Variants in SLC6A6 observed in about 807,000 individuals in gnomAD.
The protein encoded by SLC6A6 is sodium- and chloride-dependent taurine transporter.
A neutral mutation model predicts 68.8 loss-of-function variants in SLC6A6; 16 were observed. That is an observed-to-expected ratio of 0.23 (90% CI 0.16 to 0.35). The LOEUF (loss-of-function observed/expected upper bound fraction) is 0.35, where lower values mean the gene tolerates loss of function less well. Among genes scored for constraint, SLC6A6 ranks in the 10% least tolerant of loss-of-function variants. The probability of loss-of-function intolerance (pLI) is 1.00; values close to 1 mark genes in which losing one functional copy is unlikely to be tolerated. For synonymous variants in SLC6A6, 312 were observed against 315.4 expected (o/e 0.99, Z 0.12); for missense variants, 474 against 802.8 (o/e 0.59, Z 4.95).
intron 2 of SLC6A6, among the ~76,000 whole-genome samples, chr3:14,433,087 CT>C (rs1699765950): frequency 1.1e-4 from 1 of 8,796 alleles, no homozygotes; most frequent in Non-Finnish European, 2.3e-4. Flanking sequence ...GTCGTTAGTG[CT>C]GTGAAGGTGG....
chr3:14,444,056 C>T, intron 3 of SLC6A6, 193 bp downstream of exon 3: 1 of 580,686 alleles, frequency 1.7e-6, no homozygotes, highest in Non-Finnish European at 3.1e-6. Context: ...GACTGAGAAT[C>T]AGAGTACTGT....
intron 2 of SLC6A6, among the ~76,000 whole-genome samples, chr3:14,419,069 G>C (rs1007566443): frequency 6.6e-6 from 1 of 152,246 alleles, no homozygotes; most frequent in African/African-American, 2.4e-5. Flanking sequence ...GCCCTGCCTG[G>C]GATGGGCTGT....
rs993294535 is a variant in SLC6A6 at position 14,487,776 on chromosome 3, A to G, written c.*2769A>G. 2 of 152,122 alleles carry G rather than the reference A, an allele frequency of 1.3e-5. No homozygotes were observed. The highest frequency in any genetic ancestry group is 6.5e-5 in the Admixed American group (1 of 15,274). 9.4% of individuals were successfully genotyped at this position (152,122 alleles called of 1,614,324 possible). A position where few individuals can be genotyped will look rare whatever the true frequency, so the allele number is the denominator to read the frequency against. On this transcript the variant is annotated 3_prime_UTR_variant, in exon 15 of 15. Transcript: ENST00000622186. ...GGGAGGCACTGTGAGCCAGGAATGG[A>G]TTTTCTTGAAACAGCTCTAGCTGCA... is the stretch of plus-strand genomic sequence containing the variant.
At chr3:14,478,206 A>T (rs1311828820) in intron 11 of SLC6A6, among the ~76,000 whole-genome samples, 1 of 152,218 alleles carries the variant, frequency 6.6e-6, no homozygotes, top group Admixed American at 6.5e-5. Context: ...TGTCAGCTGC[A>T]CTTGGTGTGA....
Position 14,481,116 on chromosome 3 carries a change from C to T in SLC6A6, c.1552-555C>T, listed in dbSNP as rs1700996854. 1.3e-5 allele frequency among the ~76,000 whole-genome samples: 2 copies of T among 152,216 alleles called. No individual in the cohort carries two copies. Among genetic ancestry groups the T allele is most frequent in the African/African-American group, 4.8e-5 (2 of 41,442 alleles). On this transcript the variant is annotated intron_variant, in intron 13 of 14. Transcript: ENST00000622186. This position sits in a 1 kb window ranked among gnomAD's most constrained non-coding sequence, Gnocchi z 4.7. ...GAACTAGGACAAGACACACACATTC[C>T]TACTCTCAGACTCACAGTCTGGCAG...
rs1198341204 is a variant in SLC6A6, at chr3:14,405,084, T to A, written c.-54+2237T>A. On this transcript the variant is annotated intron_variant, in intron 1 of 14. Transcript: ENST00000622186. ...AGGTTTTCCCTAGCTCAGCTGTGAG[T>A]TTTGGCCCCATGGGGCTTTGGTCAC... 1.3e-5 allele frequency among the ~76,000 whole-genome samples: 2 copies of A among 152,116 alleles called. 1 individual carries two copies. Among genetic ancestry groups the A allele is most frequent in the Non-Finnish European group, 2.9e-5 (2 of 68,016 alleles).
At chr3:14,440,196 G>A (rs927156996) in intron 2 of SLC6A6, among the ~76,000 whole-genome samples, 3 of 152,070 alleles carry the variant, frequency 2.0e-5, no homozygotes, top group African/African-American at 7.2e-5. Flanking sequence ...TTACAGATGA[G>A]GACACTGAAG....
intron 6 of SLC6A6, among the ~76,000 whole-genome samples, chr3:14,464,379 T>C (rs1700566948): frequency 6.6e-6 from 1 of 152,162 alleles, no homozygotes; most frequent in Admixed American, 6.5e-5. Context: ...GCCTCAGTTT[T>C]ATTGTTGCAA....
rs1294778524 is a variant in SLC6A6 at position 14,468,351 on chromosome 3, C to A, written c.1096+139C>A. 2.7e-6 allele frequency: 2 copies of A among 728,224 alleles called. No individual in the cohort carries two copies. Among genetic ancestry groups the A allele is most frequent in the Non-Finnish European group, 4.3e-6 (2 of 463,518 alleles). The allele number at this position is 728,224 out of a possible 1,614,324, so 45.1% of individuals were successfully genotyped here. ...CTAAAATGGACCCCCCCCCCGCCAC[C>A]AAGATATCCCCCAAATTTCAAAGAG... On this transcript the variant is annotated intron_variant, in intron 9 of 14. Transcript: ENST00000622186. The surrounding 1 kb of genome is among the most constrained non-coding windows in gnomAD (Gnocchi z 4.5).
At position 14,415,931 on chromosome 3, in the gene SLC6A6, G is replaced by A. The variant is rs557111569; in HGVS notation, c.-53-481G>A. 5.3e-5 allele frequency among the ~76,000 whole-genome samples: 8 copies of A among 152,324 alleles called. No individual in the cohort carries two copies. The East Asian group carries it at 5.8e-4, about 11-fold the overall frequency. On this transcript the variant is annotated intron_variant, in intron 1 of 14. Coordinates refer to ENST00000622186, the MANE Select transcript of SLC6A6 (RefSeq NM_003043.6). ...GGCTATGTGACTGAGCTGGTGGGGC[G>A]CTCAGGAGTGTGGGCTTTCTGTGGC...
At chr3:14,444,731 T>C (rs571266962) in intron 3 of SLC6A6, 100 of 456,584 alleles carry the variant, frequency 2.2e-4, no homozygotes, top group Non-Finnish European at 4.0e-4. Context: ...TTCTTAACCT[T>C]TTGTAGGTCT....
chr3:14,441,568 C>T (rs990232446), intron 2 of SLC6A6, among the ~76,000 whole-genome samples: 1 of 152,138 alleles, frequency 6.6e-6, no homozygotes, highest in East Asian at 1.9e-4. Flanking sequence ...AATTGGGGTC[C>T]CCCACCCCGA....
chr3:14,470,885 T>G (rs1700735812), intron 9 of SLC6A6, among the ~76,000 whole-genome samples: 1 of 152,224 alleles, frequency 6.6e-6, no homozygotes, highest in Non-Finnish European at 1.5e-5. Flanking sequence ...GTCTCCAGCA[T>G]CTCAGCGAGC....
intron 6 of SLC6A6, among the ~76,000 whole-genome samples, chr3:14,464,066 G>A (rs1018178244): frequency 2.6e-5 from 4 of 152,156 alleles, no homozygotes; most frequent in African/African-American, 4.8e-5. Context: ...TCTACCCCTC[G>A]ACCTAGAGTG....
intron 6 of SLC6A6, among the ~76,000 whole-genome samples, chr3:14,458,653 T>C (rs182008791): frequency 2.0e-5 from 3 of 152,348 alleles, no homozygotes; most frequent in East Asian, 1.9e-4. Context: ...AAGAGCACTT[T>C]ATGGGTTGAG....
intron 2 of SLC6A6, among the ~76,000 whole-genome samples, chr3:14,421,980 G>A (rs772816503): frequency 4.6e-5 from 7 of 152,268 alleles, no homozygotes; most frequent in Middle Eastern, 3.4e-3. Flanking sequence ...AGCAGGGGTC[G>A]GAGGGGGATT....
intron 5 of SLC6A6, among the ~76,000 whole-genome samples, chr3:14,452,483 G>A (rs1674788051): frequency 6.6e-6 from 1 of 152,166 alleles, no homozygotes; most frequent in Non-Finnish European, 1.5e-5. Flanking sequence ...ACTGCATCCT[G>A]CCTCCAGCTA....
At chr3:14,425,139 G>A (rs1031109803) in intron 2 of SLC6A6, among the ~76,000 whole-genome samples, 1 of 152,170 alleles carries the variant, frequency 6.6e-6, no homozygotes, top group Non-Finnish European at 1.5e-5. Flanking sequence ...AAATCCAATT[G>A]TGTATTCGAG....
At chr3:14,415,927 G>C (rs1344201734) in intron 1 of SLC6A6, among the ~76,000 whole-genome samples, 2 of 152,198 alleles carry the variant, frequency 1.3e-5, no homozygotes, top group Non-Finnish European at 2.9e-5. Flanking sequence ...TGAGCTGGTG[G>C]GGCGCTCAGG....
Sources: allele counts gnomAD v4.1 joint callset (sites outside exome capture counted in the v4.1 genomes callset), GRCh38; gene constraint gnomAD v4.1.1; non-coding constraint Gnocchi (gnomAD v3.1); transcripts MANE v1.5; gene names NCBI Gene and HGNC (gene_info 2026-07-23, HGNC 2026-07-21).